The following BCCIP variants were observed in gnomAD, a reference collection of about 807,000 sequenced individuals.
The protein encoded by BCCIP is BRCA2 and CDKN1A-interacting protein.
In BCCIP, 23 loss-of-function variants were observed where a neutral mutation model predicts 32.8. The observed-to-expected ratio is 0.70, with a 90% confidence interval of 0.51 to 0.99. BCCIP has a LOEUF of 0.99. Ranked by LOEUF, BCCIP falls within the 50% of genes least tolerant of loss-of-function variation. BCCIP has a pLI of 0.00. For missense variants in BCCIP, 378 were observed against 379.8 expected, an observed-to-expected ratio of 1.00 and a Z score of 0.04; for synonymous variants, 144 against 137.6, an observed-to-expected ratio of 1.05 and a Z score of -0.33.
At chr10:125,852,670 C>T (rs1211207868) in intron 7 of BCCIP, 12 of 1,577,216 alleles carry the variant, frequency 7.6e-6, no homozygotes, top group Non-Finnish European at 9.5e-6. Context: ...GCATCATTAG[C>T]GTCAGATAAG....
downstream of BCCIP, among the ~76,000 whole-genome samples, chr10:125,847,793 T>A (rs577665959): frequency 2.0e-5 from 3 of 152,262 alleles, no homozygotes; most frequent in Admixed American, 2.0e-4. Flanking sequence ...TGACAGATCA[T>A]CAGGCATTAG....
At chr10:125,841,342 C>A (rs753042771), downstream of BCCIP, 9 of 1,613,882 alleles carry the variant, frequency 5.6e-6, no homozygotes, top group Admixed American at 3.3e-5. Context: ...TTGGTCTGTT[C>A]CCCCAGTATT....
downstream of BCCIP, among the ~76,000 whole-genome samples, chr10:125,843,362 T>C (rs1854932935): frequency 6.6e-6 from 1 of 152,026 alleles, no homozygotes; most frequent in African/African-American, 2.4e-5. Flanking sequence ...CTCAAAAACC[T>C]CACTTTGGGA....
intron 7 of BCCIP, among the ~76,000 whole-genome samples, chr10:125,848,735 GC>G (rs1300014778): frequency 6.6e-6 from 1 of 152,148 alleles, no homozygotes; most frequent in Non-Finnish European, 1.5e-5. Flanking sequence ...GCAGCTCAGG[GC>G]CCCTGTGGTG....
intron 7 of BCCIP, among the ~76,000 whole-genome samples, chr10:125,851,972 A>G (rs928308943): frequency 1.3e-5 from 2 of 151,646 alleles, no homozygotes; most frequent in Non-Finnish European, 2.9e-5. Context: ...CAAGCTGCTG[A>G]GAATTCTTCT....
downstream of BCCIP, among the ~76,000 whole-genome samples, chr10:125,840,250 G>C (rs1854834290): frequency 6.6e-6 from 1 of 152,152 alleles, no homozygotes; most frequent in Non-Finnish European, 1.5e-5. Flanking sequence ...GTACCTTCCT[G>C]TGACAGGTAA....
chr10:125,829,204 A>G (rs980314939), intron 3 of BCCIP, among the ~76,000 whole-genome samples: 2 of 152,096 alleles, frequency 1.3e-5, no homozygotes, highest in Admixed American at 1.3e-4. Flanking sequence ...ATCTGTTTCC[A>G]TTTCTGTCTC....
At chr10:125,840,599 G>A (rs991368555), downstream of BCCIP, among the ~76,000 whole-genome samples, 1 of 152,250 alleles carries the variant, frequency 6.6e-6, no homozygotes, top group African/African-American at 2.4e-5. Context: ...AAGGCTGGCT[G>A]AGTGGAGTCC....
intron 7 of BCCIP, among the ~76,000 whole-genome samples, chr10:125,849,285 G>C (rs946148161): frequency 6.6e-6 from 1 of 152,178 alleles, no homozygotes; most frequent in African/African-American, 2.4e-5. Context: ...CAACTTAAAT[G>C]ATAAGCCATA....
At chr10:125,841,523 T>C, downstream of BCCIP, 1 of 1,431,810 alleles carries the variant, frequency 7.0e-7, no homozygotes, top group Non-Finnish European at 9.1e-7. Context: ...TGTATAAATT[T>C]GCTGAACTTT....
chr10:125,823,768 T>A (rs1285425963), intron 1 of BCCIP, 46 bp downstream of exon 1: 15 of 1,603,942 alleles, frequency 9.4e-6, no homozygotes, highest in Non-Finnish European at 1.2e-5. Context: ...TGAGAAAAAC[T>A]TTTTGGCAAG....
exon 7 of BCCIP, chr10:125,842,113 C>T (rs1043609295): frequency 5.0e-6 from 4 of 801,532 alleles, no homozygotes; most frequent in Non-Finnish European, 7.2e-6. Context: ...AGGGCAAACT[C>T]AGGAGGGGAG....
exon 7 of BCCIP, chr10:125,841,588 C>A (rs1854881229): frequency 6.9e-7 from 1 of 1,440,138 alleles, no homozygotes; most frequent in Non-Finnish European, 9.0e-7. Context: ...CTTTTCTAAC[C>A]TATTAAAATA....
chr10:125,828,841 A>G (rs947559587), intron 3 of BCCIP, among the ~76,000 whole-genome samples: 1 of 152,164 alleles, frequency 6.6e-6, no homozygotes, highest in Non-Finnish European at 1.5e-5. Flanking sequence ...TAGGGGCTGG[A>G]GGATTCCCTT....
chr10:125,832,285 C>T (rs1854540087), intron 5 of BCCIP, among the ~76,000 whole-genome samples: 2 of 151,816 alleles, frequency 1.3e-5, no homozygotes, highest in Non-Finnish European at 2.9e-5. Context: ...AGTGATCTTC[C>T]TGCCTCGGCC....
At position 125,823,676 on chromosome 10, in the gene BCCIP, A is replaced by T; in HGVS notation, c.119A>T (p.Asp40Val). The T allele has an allele frequency of 6.2e-7, 1 of 1,614,126 alleles. No individual in the cohort carries two copies. Among genetic ancestry groups the T allele is most frequent in the Non-Finnish European group, 8.5e-7 (1 of 1,179,970 alleles). ...GTCGAAAATGAGGATGAAGACGATG[A>T]TGACAGTGACAAGGAAAAGGATGAA... ...KEVENEDEDDDDSDKEKDEED... is the reference protein window; with the variant it reads ...KEVENEDEDDVDSDKEKDEED... The change falls in exon 1 of 7, where the codon GAT (aspartate) becomes GTT (valine). Residue 40 changes from aspartate (D) to valine (V), a missense_variant. Coordinates refer to ENST00000278100, the MANE Select transcript of BCCIP (RefSeq NM_078468.3).
At chr10:125,832,368 C>T (rs1336196889) in intron 5 of BCCIP, among the ~76,000 whole-genome samples, 1 of 152,018 alleles carries the variant, frequency 6.6e-6, no homozygotes, top group African/African-American at 2.4e-5. Context: ...TATTCTTTCT[C>T]AGAGGTCATA....
At position 125,852,538 on chromosome 10, in the gene BCCIP, A is replaced by G. The variant is rs761425156; in HGVS notation, c.851-587A>G. Reference sequence around the variant, plus strand: ...AACATTTAGTATTTGTGTCCACAGCACTACCTGAAGAAGATGAGCCAAGAA... The same window carrying G: ...AACATTTAGTATTTGTGTCCACAGCGCTACCTGAAGAAGATGAGCCAAGAA... On this transcript the variant is annotated intron_variant, in intron 7 of 7. Transcript: ENST00000368759. The G allele has an allele frequency of 3.4e-5, 55 of 1,613,460 alleles. No individual in the cohort carries two copies. Among genetic ancestry groups the G allele is most frequent in the Non-Finnish European group, 4.6e-5 (54 of 1,179,728 alleles).
downstream of BCCIP, chr10:125,838,240 AGTT>A (rs764051139): frequency 9.3e-6 from 15 of 1,611,870 alleles, no homozygotes; most frequent in Admixed American, 1.7e-5. Context: ...ATCCTGATGT[AGTT>A]GTTCTCAGAA....
Sources: allele counts gnomAD v4.1 joint callset (sites outside exome capture counted in the v4.1 genomes callset), GRCh38; gene constraint gnomAD v4.1.1; transcripts MANE v1.5; gene names NCBI Gene and HGNC (gene_info 2026-07-23, HGNC 2026-07-21).